Variants in ZBTB8A observed in about 807,000 individuals in gnomAD.
ZBTB8A encodes the protein zinc finger and BTB domain-containing protein 8A.
A neutral mutation model predicts 37.8 loss-of-function variants in ZBTB8A; 19 were observed. That is an observed-to-expected ratio of 0.50 (90% confidence interval 0.35 to 0.74). The LOEUF is 0.74. ZBTB8A is among the 30% of genes least tolerant of loss of function. The probability of loss-of-function intolerance (pLI) is 0.01; values close to 1 mark genes in which losing one functional copy is unlikely to be tolerated. For synonymous variants in ZBTB8A, 181 were observed against 185.2 expected (o/e 0.98, Z 0.19); for missense variants, 394 against 537.8 (o/e 0.73, Z 2.65).
chr1:32,558,734 G>C (rs371591506), intron 2 of ZBTB8A, among the ~76,000 whole-genome samples: 26 of 152,254 alleles, frequency 1.7e-4, no homozygotes, highest in African/African-American at 4.8e-4. Flanking sequence ...ACAGATGAAG[G>C]AGTACATTTC....
Position 32,595,168 on chromosome 1 carries a change from A to G in ZBTB8A, c.938A>G (p.Gln313Arg), listed in dbSNP as rs561483552. The change falls in exon 4 of 5, where the codon CAA (glutamine) becomes CGA (arginine). Residue 313 changes from glutamine (Q) to arginine (R), a missense_variant. Gln to Arg is a conservative substitution (Grantham distance 43). Around this residue, in one of 4 missense-constraint regions of ZBTB8A, gnomAD observed 42 missense variants for 96.4 expected, o/e 0.44. Coordinates refer to ENST00000373510, the MANE Select transcript of ZBTB8A (RefSeq NM_001040441.3). ...CHTGERPYPC[Q>R]ACGKRFSRLD... ...ACAGGAGAAAGGCCCTATCCATGTC[A>G]AGCTTGTGGAAAAAGATTTAGCAGG... 3.3e-5 allele frequency: 54 copies of G among 1,614,124 alleles called. No homozygotes were observed. Among genetic ancestry groups the G allele is most frequent in the Non-Finnish European group, 4.6e-5 (54 of 1,180,044 alleles).
rs564330871 is a variant in ZBTB8A, at chr1:32,596,595, CA to C, written c.993+1380del. On this transcript the variant is annotated intron_variant, in intron 4 of 4. Transcript: ENST00000373510. ...GACACTGTCTAAAACAAAAAACAAA[CA>C]AAAAAAATACATTTATGGGCTTTAG... is the stretch of plus-strand genomic sequence containing the variant. Among the ~76,000 whole-genome samples the C allele has an allele frequency of 6.8e-3, 808 of 119,100 alleles. 6 individuals carry two copies. The highest frequency in any genetic ancestry group is 0.026 in the African/African-American group (737 of 28,832). The allele number at this position is 119,100 out of a possible 152,430, so 78.1% of individuals were successfully genotyped here.
At chr1:32,549,074 C>T (rs550114114) in intron 1 of ZBTB8A, among the ~76,000 whole-genome samples, 2 of 152,158 alleles carry the variant, frequency 1.3e-5, no homozygotes, top group East Asian at 3.9e-4. Context: ...ACCTGTAGTC[C>T]TAGCTACTCC....
At chr1:32,575,014 G>C (rs531727316) in intron 2 of ZBTB8A, among the ~76,000 whole-genome samples, 7 of 152,024 alleles carry the variant, frequency 4.6e-5, no homozygotes, top group Admixed American at 2.0e-4. Context: ...CCCCCAAGTA[G>C]TTCTCCCACT....
intron 2 of ZBTB8A, among the ~76,000 whole-genome samples, chr1:32,563,032 T>C (rs935044303): frequency 2.0e-5 from 3 of 152,252 alleles, no homozygotes; most frequent in Non-Finnish European, 2.9e-5. Context: ...GGTACATTTT[T>C]AAAGTAGGTA....
intron 2 of ZBTB8A, among the ~76,000 whole-genome samples, chr1:32,555,583 G>C (rs1017720922): frequency 6.6e-6 from 1 of 152,076 alleles, no homozygotes; most frequent in South Asian, 2.1e-4. Flanking sequence ...CTGTAACACT[G>C]GCATCTTTTC....
In ZBTB8A at chr1:32,604,529, A is replaced by G. The variant is rs1644600574; in HGVS notation, c.*4110A>G. ...AACCATATGGTCTCTTAGTGAAGCAAATCACATCCTTAGCACATGATGTTC... is the reference window on the plus strand; with the variant it reads ...AACCATATGGTCTCTTAGTGAAGCAGATCACATCCTTAGCACATGATGTTC... On this transcript the variant is annotated 3_prime_UTR_variant, in exon 5 of 5. Transcript: ENST00000373510. 6.6e-6 allele frequency: 1 copy of G among 152,204 alleles called. No individual in the cohort carries two copies. Among genetic ancestry groups the G allele is most frequent in the South Asian group, 2.1e-4 (1 of 4,834 alleles). 9.4% of individuals were successfully genotyped at this position (152,204 alleles called of 1,614,324 possible). A position where few individuals can be genotyped will look rare whatever the true frequency, so the allele number is the denominator to read the frequency against.
intron 1 of ZBTB8A, among the ~76,000 whole-genome samples, chr1:32,548,880 C>G (rs1430386171): frequency 1.3e-5 from 2 of 152,144 alleles, no homozygotes; most frequent in East Asian, 1.9e-4. Flanking sequence ...TTAGTCCATG[C>G]TCTCATTGAT....
chr1:32,550,079 C>T (rs927993313), intron 1 of ZBTB8A, among the ~76,000 whole-genome samples: 6 of 152,024 alleles, frequency 3.9e-5, no homozygotes, highest in Admixed American at 3.3e-4. Flanking sequence ...ATGTTGATGC[C>T]GGTCGTGGTG....
intron 2 of ZBTB8A, among the ~76,000 whole-genome samples, chr1:32,560,047 A>G (rs2148223935): frequency 6.6e-6 from 1 of 152,206 alleles, no homozygotes; most frequent in South Asian, 2.1e-4. Context: ...GGAAGCTTCC[A>G]GTTACGGTGG....
At chr1:32,565,657 A>AT (rs1236202527) in intron 2 of ZBTB8A, among the ~76,000 whole-genome samples, 1 of 151,958 alleles carries the variant, frequency 6.6e-6, no homozygotes, top group Non-Finnish European at 1.5e-5. Flanking sequence ...TCTTTAAAAA[A>AT]TTTTTTTTAA....
At chr1:32,598,050 A>G (rs1644546502) in intron 4 of ZBTB8A, among the ~76,000 whole-genome samples, 1 of 151,588 alleles carries the variant, frequency 6.6e-6, no homozygotes. Flanking sequence ...TACTACGCCC[A>G]GCCTAATACG....
At chr1:32,585,008 C>A (rs554688870) in intron 2 of ZBTB8A, among the ~76,000 whole-genome samples, 1 of 147,580 alleles carries the variant, frequency 6.8e-6, no homozygotes, top group Non-Finnish European at 1.5e-5. Flanking sequence ...TAATTATCTA[C>A]GAAGAATGTT....
At chr1:32,597,117 C>G (rs1644539336) in intron 4 of ZBTB8A, among the ~76,000 whole-genome samples, 1 of 152,112 alleles carries the variant, frequency 6.6e-6, no homozygotes, top group Non-Finnish European at 1.5e-5. Context: ...AACAATTCTC[C>G]TGTCTCAGCC....
chr1:32,604,063 A>T lies in ZBTB8A; in HGVS notation c.*3644A>T, dbSNP rs1644597960. 1 of 150,086 alleles carries T rather than the reference A, an allele frequency of 6.7e-6. No homozygotes were observed. Among genetic ancestry groups the T allele is most frequent in the African/African-American group, 2.4e-5 (1 of 40,886 alleles). 9.3% of individuals were successfully genotyped at this position (150,086 alleles called of 1,614,324 possible). A position where few individuals can be genotyped will look rare whatever the true frequency, so the allele number is the denominator to read the frequency against. ...TAAATAAGCTTTATTTATGCCAAGGATTTTTTTTTTAATATCAAGACTTGG... is the reference window on the plus strand; with the variant it reads ...TAAATAAGCTTTATTTATGCCAAGGTTTTTTTTTTTAATATCAAGACTTGG... On this transcript the variant is annotated 3_prime_UTR_variant, in exon 5 of 5. Transcript: ENST00000373510.
chr1:32,554,160 A>G (rs1304606254), intron 2 of ZBTB8A, among the ~76,000 whole-genome samples: 3 of 148,886 alleles, frequency 2.0e-5, no homozygotes, highest in Non-Finnish European at 3.0e-5. Flanking sequence ...AGATCACACC[A>G]GTGCACTCCA....
At chr1:32,592,326 A>G (rs2148249850) in intron 2 of ZBTB8A, among the ~76,000 whole-genome samples, 2 of 152,158 alleles carry the variant, frequency 1.3e-5, no homozygotes, top group Admixed American at 1.3e-4. Flanking sequence ...GCTTGAGCCC[A>G]GGAGTTGGAG....
rs112432287 is a variant in ZBTB8A, at chr1:32,570,587, G to A, written c.-2+17047G>A. On this transcript the variant is annotated intron_variant, in intron 2 of 4. Transcript: ENST00000373510. ...TTTAGATTGTTTATATTTCTCTCAA[G>A]TATTTTGTGGTTTTGAATACATAGA... 1.3e-3 allele frequency among the ~76,000 whole-genome samples: 203 copies of A among 152,250 alleles called. 2 individuals carry two copies. Among genetic ancestry groups the A allele is most frequent in the African/African-American group, 4.7e-3 (195 of 41,554 alleles).
At chr1:32,550,733 C>T (rs1035489081) in intron 1 of ZBTB8A, among the ~76,000 whole-genome samples, 2 of 151,972 alleles carry the variant, frequency 1.3e-5, no homozygotes, top group Admixed American at 1.3e-4. Flanking sequence ...CCGAGGCAGG[C>T]GGATCACAAG....
Sources: gnomAD v4.1 joint callset for allele counts (sites outside exome capture counted in the v4.1 genomes callset) on GRCh38, gnomAD v4.1.1 for gene constraint, gnomAD v4.1.1 regional missense constraint, MANE v1.5 for transcripts, NCBI Gene and HGNC (gene_info 2026-07-23, HGNC 2026-07-21) for gene names.